Variants in MYH9 observed in about 807,000 individuals in gnomAD.
MYH9 encodes myosin-9.
Under a neutral mutation model 241.9 loss-of-function variants are expected in MYH9, and 29 were observed. That is an observed-to-expected ratio of 0.12 (90% CI 0.09 to 0.16). MYH9 has a LOEUF of 0.16. Ranked by LOEUF, MYH9 falls within the 10% of genes least tolerant of loss-of-function variation. The probability of loss-of-function intolerance (pLI) is 1.00; values close to 1 mark genes in which losing one functional copy is unlikely to be tolerated. For missense variants in MYH9, 1,803 were observed against 2,595.5 expected, an observed-to-expected ratio of 0.69 and a Z score of 6.63; for synonymous variants, 1,047 against 1,062.6, an observed-to-expected ratio of 0.99 and a Z score of 0.29.
At chr22:36,333,737 C>T (rs974093040) in intron 3 of MYH9, among the ~76,000 whole-genome samples, 4 of 152,160 alleles carry the variant, frequency 2.6e-5, no homozygotes, top group Admixed American at 2.6e-4. Context: ...AAAGCAACTC[C>T]TTTCTCTGAA....
At chr22:36,303,390 G>A (rs2016915857) in intron 19 of MYH9, among the ~76,000 whole-genome samples, 1 of 151,700 alleles carries the variant, frequency 6.6e-6, no homozygotes, top group Non-Finnish European at 1.5e-5. Flanking sequence ...TCCCCACAAG[G>A]GTCACACGGT....
In MYH9 at chr22:36,303,464, C is replaced by G. The variant is rs181576493; in HGVS notation, c.2390+531G>C. 6.0e-4 allele frequency among the ~76,000 whole-genome samples: 91 copies of G among 151,750 alleles called. 1 individual carries two copies. The highest frequency in any genetic ancestry group is 3.4e-3 in the Middle Eastern group (1 of 294). On this transcript the variant is annotated intron_variant, in intron 19 of 40. Coordinates refer to ENST00000216181, the MANE Select transcript of MYH9 (RefSeq NM_002473.6). Reference sequence around the variant, plus strand: ...TCCAAGCAGAGTCAGCCTCTTCCCACCCATCACTCTAAACCCCAATCAGAA... The same window carrying G: ...TCCAAGCAGAGTCAGCCTCTTCCCAGCCATCACTCTAAACCCCAATCAGAA...
chr22:36,306,295 G>T lies in MYH9; in HGVS notation c.2037+119C>A. On this transcript the variant is annotated intron_variant, in intron 16 of 40. Transcript: ENST00000216181. This position sits in a 1 kb window ranked among gnomAD's most constrained non-coding sequence, Gnocchi z 4.1. ...GCCAAGGCCCACCCTGCAGAGAAACGACTGAAGGCTCTGTGCATGCTGGGG... is the reference window on the plus strand; with the variant it reads ...GCCAAGGCCCACCCTGCAGAGAAACTACTGAAGGCTCTGTGCATGCTGGGG... 7.2e-7 allele frequency: 1 copy of T among 1,383,204 alleles called. No homozygotes were observed. Among genetic ancestry groups the T allele is most frequent in the South Asian group, 1.2e-5 (1 of 82,268 alleles). The allele number at this position is 1,383,204 out of a possible 1,614,324, so 85.7% of individuals were successfully genotyped here. A position where few individuals can be genotyped will look rare whatever the true frequency, so the allele number is the denominator to read the frequency against.
chr22:36,341,120 A>C (rs372766046), intron 3 of MYH9, among the ~76,000 whole-genome samples: 128 of 152,334 alleles, frequency 8.4e-4, no homozygotes, highest in African/African-American at 2.5e-3. Context: ...GAAAAGTATG[A>C]GAAATTGAGA....
At position 36,293,559 on chromosome 22, in the gene MYH9, A is replaced by G. The variant is rs1325701237; in HGVS notation, c.3943-78T>C. The G allele has an allele frequency of 6.3e-7, 1 of 1,581,832 alleles. No individual in the cohort carries two copies. ...CCAGGAACCCCACACCCTTGAGGAGAGGGAGGAGCTGGTCCTGCTGATTTA... is the reference window on the plus strand; with the variant it reads ...CCAGGAACCCCACACCCTTGAGGAGGGGGAGGAGCTGGTCCTGCTGATTTA... On this transcript the variant is annotated intron_variant, in intron 29 of 40. Transcript: ENST00000216181. The surrounding 1 kb of genome is among the most constrained non-coding windows in gnomAD (Gnocchi z 5.1).
At position 36,297,006 on chromosome 22, in the gene MYH9, G is replaced by A. The variant is rs748075110; in HGVS notation, c.3109C>T (p.Arg1037Cys). 4.3e-6 allele frequency: 7 copies of A among 1,613,926 alleles called. No homozygotes were observed. The highest frequency in any genetic ancestry group is 1.3e-5 in the African/African-American group (1 of 75,062). The change falls in exon 25 of 41, where the codon CGC (arginine) becomes TGC (cysteine). Residue 1037 changes from arginine to cysteine, a missense_variant. Coordinates refer to ENST00000216181, the MANE Select transcript of MYH9 (RefSeq NM_002473.6). ...TCCTGTCGCTGCTTCTCCTCCCTGC[G>A]GAGGCGCTCTGCAATGCAGGGGGAG... ...AMITDLEERLRREEKQRQELE... is the reference protein window; with the variant it reads ...AMITDLEERLCREEKQRQELE...
intron 1 of MYH9, among the ~76,000 whole-genome samples, chr22:36,362,065 C>A (rs905144160): frequency 2.0e-5 from 3 of 151,874 alleles, no homozygotes; most frequent in Non-Finnish European, 4.4e-5. Context: ...CGAGACTCTG[C>A]CTCAAAAATA....
intron 31 of MYH9, among the ~76,000 whole-genome samples, chr22:36,289,749 C>T (rs1230256630): frequency 6.6e-6 from 1 of 152,176 alleles, no homozygotes; most frequent in African/African-American, 2.4e-5. Flanking sequence ...CATCTGTTCT[C>T]TGTGTGCACC....
At chr22:36,386,231 A>G (rs2018348606) in intron 1 of MYH9, among the ~76,000 whole-genome samples, 1 of 152,000 alleles carries the variant, frequency 6.6e-6, no homozygotes, top group African/African-American at 2.4e-5. Flanking sequence ...CTAAGTGCCC[A>G]TGGGCACGGG....
chr22:36,294,338 T>C, intron 27 of MYH9, 40 bp from the exon 28 acceptor site: 2 of 1,600,316 alleles, frequency 1.2e-6, no homozygotes, highest in Non-Finnish European at 1.7e-6. Flanking sequence ...GGGGGCCTCC[T>C]GACACAAGGC....
At chr22:36,324,187 G>A (rs756117543) in intron 5 of MYH9, among the ~76,000 whole-genome samples, 41 of 152,378 alleles carry the variant, frequency 2.7e-4, no homozygotes, top group Admixed American at 1.3e-3. Context: ...AAGTGGGGCC[G>A]CGGGGCCAAG....
In MYH9 at chr22:36,282,078, C is replaced by G. The variant is rs2016498750; in HGVS notation, c.*590G>C. The G allele has an allele frequency of 8.4e-6, 2 of 237,316 alleles. No homozygotes were observed. Among genetic ancestry groups the G allele is most frequent in the African/African-American group, 2.2e-5 (1 of 45,292 alleles). The allele number at this position is 237,316 out of a possible 1,614,324, so 14.7% of individuals were successfully genotyped here. A position where few individuals can be genotyped will look rare whatever the true frequency, so the allele number is the denominator to read the frequency against. On this transcript the variant is annotated 3_prime_UTR_variant, in exon 41 of 41. Coordinates refer to ENST00000216181, the MANE Select transcript of MYH9 (RefSeq NM_002473.6). ...GGTGGGGAGGAATCCACTCCTCCCC[C>G]CACCCCAGCCTTCTGTGCCCTGCAC...
Position 36,308,794 on chromosome 22 carries a change from G to A in MYH9, c.1843+488C>T, listed in dbSNP as rs945738538. On this transcript the variant is annotated intron_variant, in intron 15 of 40. Coordinates refer to ENST00000216181, the MANE Select transcript of MYH9 (RefSeq NM_002473.6). ...ACCACACACACAAGAGACACCACTC[G>A]GGCGGCCAGTCACCTGGTTCTAGGT... 1.7e-5 allele frequency: 17 copies of A among 983,466 alleles called. No individual in the cohort carries two copies. The South Asian group carries it at 1.9e-4, about 11-fold the overall frequency. 60.9% of individuals were successfully genotyped at this position (983,466 alleles called of 1,614,324 possible). A position where few individuals can be genotyped will look rare whatever the true frequency, so the allele number is the denominator to read the frequency against.
chr22:36,328,668 G>A (rs771437272), intron 3 of MYH9, among the ~76,000 whole-genome samples: 7 of 152,224 alleles, frequency 4.6e-5, no homozygotes, highest in Non-Finnish European at 7.3e-5. Context: ...TGTCTATACC[G>A]ACTTCCCCAA....
Position 36,330,341 on chromosome 22 carries a change from CG to C in MYH9, c.491-2854del, listed in dbSNP as rs1214542410. Among the ~76,000 whole-genome samples the C allele has an allele frequency of 6.6e-6, 1 of 152,230 alleles. No individual in the cohort carries two copies. The highest frequency in any genetic ancestry group is 1.5e-5 in the Non-Finnish European group (1 of 68,040). On this transcript the variant is annotated intron_variant, in intron 3 of 40. Transcript: ENST00000216181. The surrounding 1 kb of genome is among the most constrained non-coding windows in gnomAD (Gnocchi z 4.5). ...TGCTTAGTATCCTAAATCCACCGGC[CG>C]GATGCACCACGAATCGTACCATGGC...
intron 2 of MYH9, 150 bp downstream of exon 2, chr22:36,348,754 T>C: frequency 2.6e-6 from 2 of 764,842 alleles, no homozygotes; most frequent in South Asian, 3.1e-5. Context: ...GATGTCAAAG[T>C]TCAAGGATGT....
intron 1 of MYH9, among the ~76,000 whole-genome samples, chr22:36,361,137 GA>G (rs2017930363): frequency 6.6e-6 from 1 of 152,230 alleles, no homozygotes; most frequent in African/African-American, 2.4e-5. Flanking sequence ...CAGTGCCCAG[GA>G]GGTAGGAGCT....
At chr22:36,386,454 C>T (rs2018352001) in intron 1 of MYH9, among the ~76,000 whole-genome samples, 1 of 152,214 alleles carries the variant, frequency 6.6e-6, no homozygotes, top group African/African-American at 2.4e-5. Flanking sequence ...GTGAGCCAAA[C>T]ACTGGCCCAG....
At chr22:36,364,301 G>A (rs2017977173) in intron 1 of MYH9, among the ~76,000 whole-genome samples, 2 of 152,206 alleles carry the variant, frequency 1.3e-5, no homozygotes. Flanking sequence ...CCAAGGCAGA[G>A]ATCGGGTCAC....
Sources: gnomAD v4.1 joint callset for allele counts (sites outside exome capture counted in the v4.1 genomes callset) on GRCh38, gnomAD v4.1.1 for gene constraint, Gnocchi (gnomAD v3.1) non-coding constraint, MANE v1.5 for transcripts, NCBI Gene and HGNC (gene_info 2026-07-23, HGNC 2026-07-21) for gene names.